Variants in LOC128125817 observed in about 807,000 individuals in gnomAD.
chr1:41,621,173 T>C, the LOC128125817 span, among the ~76,000 whole-genome samples: 6 of 152,210 alleles, frequency 3.9e-5, no homozygotes, highest in Non-Finnish European at 8.8e-5. Flanking sequence ...ATACTTGTGG[T>C]GCACCCATAG....
the LOC128125817 span, among the ~76,000 whole-genome samples, chr1:41,586,867 G>A: frequency 6.6e-6 from 1 of 151,972 alleles, no homozygotes; most frequent in Non-Finnish European, 1.5e-5. Context: ...ATTTATAGAA[G>A]AATGACAAAC....
At chr1:41,619,206 G>A in the LOC128125817 span, among the ~76,000 whole-genome samples, 1 of 151,934 alleles carries the variant, frequency 6.6e-6, no homozygotes, top group Non-Finnish European at 1.5e-5. Flanking sequence ...GCCTCCGCCT[G>A]GAATACTCTT....
the LOC128125817 span, among the ~76,000 whole-genome samples, chr1:41,585,524 C>T: frequency 6.6e-6 from 1 of 152,238 alleles, no homozygotes; most frequent in Non-Finnish European, 1.5e-5. Flanking sequence ...CCCCCGCTCC[C>T]ATGTCAGTGT....
At chr1:41,599,443 T>C in the LOC128125817 span, among the ~76,000 whole-genome samples, 9 of 152,272 alleles carry the variant, frequency 5.9e-5, no homozygotes, top group South Asian at 1.0e-3. Flanking sequence ...AAAACTTCTG[T>C]TCAACAAAGA....
chr1:41,602,431 A>G, the LOC128125817 span, among the ~76,000 whole-genome samples: 2 of 151,990 alleles, frequency 1.3e-5, no homozygotes, highest in African/African-American at 4.8e-5. Context: ...CATATTAGTT[A>G]TAGGTCTGTT....
chr1:41,617,243 C>T, the LOC128125817 span, among the ~76,000 whole-genome samples: 1 of 151,768 alleles, frequency 6.6e-6, no homozygotes, highest in Non-Finnish European at 1.5e-5. Context: ...TCTTTACAGA[C>T]TGATGCATTC....
the LOC128125817 span, among the ~76,000 whole-genome samples, chr1:41,609,016 G>A: frequency 6.6e-6 from 1 of 151,978 alleles, no homozygotes; most frequent in Admixed American, 6.6e-5. Flanking sequence ...CCTAGGAGGT[G>A]GAGGTTGCAG....
chr1:41,628,049 A>G, the LOC128125817 span, among the ~76,000 whole-genome samples: 2 of 152,208 alleles, frequency 1.3e-5, no homozygotes, highest in Admixed American at 1.3e-4. Flanking sequence ...TGAAGCCTGA[A>G]CATCTAGCCA....
At chr1:41,588,148 G>C in the LOC128125817 span, among the ~76,000 whole-genome samples, 19 of 152,350 alleles carry the variant, frequency 1.2e-4, no homozygotes, top group East Asian at 3.3e-3. Flanking sequence ...ATGGTTTGCA[G>C]CACAGAGAGA....
chr1:41,589,036 A>T, the LOC128125817 span, among the ~76,000 whole-genome samples: 1 of 152,204 alleles, frequency 6.6e-6, no homozygotes, highest in African/African-American at 2.4e-5. Flanking sequence ...AATGACTGTG[A>T]CCAACAGACA....
the LOC128125817 span, among the ~76,000 whole-genome samples, chr1:41,594,938 T>C: frequency 1.3e-5 from 2 of 152,178 alleles, no homozygotes; most frequent in Admixed American, 6.6e-5. Flanking sequence ...AAAGCTTAAG[T>C]TTTTTTACTC....
the LOC128125817 span, among the ~76,000 whole-genome samples, chr1:41,622,118 G>A: frequency 6.6e-6 from 1 of 152,340 alleles, no homozygotes; most frequent in Admixed American, 6.5e-5. Context: ...TGCTTACTGA[G>A]CACCTGCAGA....
At chr1:41,621,343 A>G in the LOC128125817 span, among the ~76,000 whole-genome samples, 1 of 152,220 alleles carries the variant, frequency 6.6e-6, no homozygotes, top group African/African-American at 2.4e-5. Flanking sequence ...ATTCTGGCTC[A>G]CAGGATAAAG....
chr1:41,598,880 A>G, the LOC128125817 span, among the ~76,000 whole-genome samples: 1 of 151,686 alleles, frequency 6.6e-6, no homozygotes, highest in Non-Finnish European at 1.5e-5. Context: ...TAATGGCACA[A>G]TTTCAGCTCA....
the LOC128125817 span, among the ~76,000 whole-genome samples, chr1:41,610,701 G>A: frequency 6.6e-6 from 1 of 152,212 alleles, no homozygotes; most frequent in Non-Finnish European, 1.5e-5. Context: ...CACCCAGGGA[G>A]CCCGGTTTAA....
chr1:41,610,986 C>A, the LOC128125817 span, among the ~76,000 whole-genome samples: 1 of 152,176 alleles, frequency 6.6e-6, no homozygotes, highest in East Asian at 1.9e-4. Flanking sequence ...AAAATAAGCT[C>A]TTGCAGTTCA....
the LOC128125817 span, among the ~76,000 whole-genome samples, chr1:41,604,254 C>CA: frequency 2.0e-5 from 3 of 151,752 alleles, no homozygotes; most frequent in Non-Finnish European, 2.9e-5. Flanking sequence ...TCATGATAGC[C>CA]AAAAAAACTG....
chr1:41,600,266 T>A, the LOC128125817 span, among the ~76,000 whole-genome samples: 4 of 152,172 alleles, frequency 2.6e-5, no homozygotes, highest in Admixed American at 6.5e-5. Flanking sequence ...TATGTGTACA[T>A]CTATGTTCAT....
the LOC128125817 span, among the ~76,000 whole-genome samples, chr1:41,622,445 A>G: frequency 1.3e-5 from 2 of 152,202 alleles, no homozygotes; most frequent in Non-Finnish European, 2.9e-5. Flanking sequence ...GGGAATGCTG[A>G]GCTAAGGGTC....
Sources: gnomAD v4.1 joint callset for allele counts (sites outside exome capture counted in the v4.1 genomes callset) on GRCh38, gnomAD v4.1.1 for gene constraint, MANE v1.5 for transcripts.